The following DHRSX variants were observed in gnomAD, a reference collection of about 807,000 sequenced individuals.
The protein encoded by DHRSX is dehydrogenase/reductase X-linked.
A neutral mutation model predicts 34.0 loss-of-function variants in DHRSX; 31 were observed. The ratio of observed to expected loss-of-function variants is 0.91; its 90% CI spans 0.69 to 1.23. The LOEUF (loss-of-function observed/expected upper bound fraction) is 1.23. DHRSX is among the 50% of genes most tolerant of loss of function. The pLI is 0.00. For synonymous variants in DHRSX, 201 were observed against 183.8 expected, an observed-to-expected ratio of 1.09 and a Z score of -0.76; for missense variants, 414 against 428.1, an observed-to-expected ratio of 0.97 and a Z score of 0.29.
intron 3 of DHRSX, among the ~76,000 whole-genome samples, chrX:2,362,650 G>A (rs960739394): frequency 1.3e-5 from 2 of 152,196 alleles, no homozygotes; most frequent in African/African-American, 4.8e-5. Flanking sequence ...GAACACTGGA[G>A]AAGGATGGAT....
chrX:2,367,470 C>T (rs1212302797), intron 3 of DHRSX, among the ~76,000 whole-genome samples: 2 of 148,652 alleles, frequency 1.3e-5, no homozygotes, highest in African/African-American at 2.5e-5. Context: ...AAAAAAAGAA[C>T]GATGCTACAT....
intron 6 of DHRSX, among the ~76,000 whole-genome samples, chrX:2,226,475 C>A (rs977495585): frequency 2.0e-5 from 3 of 152,136 alleles, no homozygotes; most frequent in Non-Finnish European, 4.4e-5. Flanking sequence ...GCAAAGCAGA[C>A]CTTGGACTGG....
At chrX:2,346,655 TG>T (rs2042717788) in intron 3 of DHRSX, among the ~76,000 whole-genome samples, 2 of 148,984 alleles carry the variant, frequency 1.3e-5, no homozygotes, top group African/African-American at 2.5e-5. Context: ...GTTTTTTTTT[TG>T]TTGTTGTTGT....
chrX:2,237,826 C>T (rs1053080277), intron 6 of DHRSX, among the ~76,000 whole-genome samples: 1 of 152,004 alleles, frequency 6.6e-6, no homozygotes, highest in Non-Finnish European at 1.5e-5. Context: ...TTGTAACACC[C>T]ATTGATCTTG....
At chrX:2,323,151 A>C (rs2042333936) in intron 3 of DHRSX, among the ~76,000 whole-genome samples, 1 of 152,158 alleles carries the variant, frequency 6.6e-6, no homozygotes, top group Non-Finnish European at 1.5e-5. Flanking sequence ...CTTGAAGCTC[A>C]AAGAGGTACA....
At chrX:2,401,899 A>G (rs1324933655) in intron 3 of DHRSX, among the ~76,000 whole-genome samples, 1 of 152,232 alleles carries the variant, frequency 6.6e-6, no homozygotes, top group Non-Finnish European at 1.5e-5. Context: ...TCCTGAAAAC[A>G]ATCGCGCATT....
intron 3 of DHRSX, among the ~76,000 whole-genome samples, chrX:2,355,511 TAAAAAAAAAAAAAAAAAAAAA>T (rs767512287): frequency 2.7e-5 from 2 of 75,310 alleles, no homozygotes; most frequent in South Asian, 7.0e-4. Flanking sequence ...AGACCCCATC[TAAAAAAAAAAAAAAAAAAAAA>T]AAAAAAAAAA....
intron 5 of DHRSX, among the ~76,000 whole-genome samples, chrX:2,264,317 C>T (rs36108745): frequency 0.35 from 50,426 of 143,704 alleles, 8,283 homozygotes; most frequent in Non-Finnish European, 0.48. Flanking sequence ...TCAGGGAGCA[C>T]CGTGCCCAGA....
chrX:2,276,697 C>G (rs890458857), intron 4 of DHRSX, among the ~76,000 whole-genome samples: 9 of 135,976 alleles, frequency 6.6e-5, no homozygotes, highest in African/African-American at 2.0e-4. Context: ...GCGGAGAACT[C>G]CAGAGAAAGG....
intron 5 of DHRSX, among the ~76,000 whole-genome samples, chrX:2,255,890 G>A (rs1255722800): frequency 6.6e-6 from 1 of 151,850 alleles, no homozygotes. Flanking sequence ...CTCCAGCCTC[G>A]ATGCCTGGGT....
At chrX:2,350,607 A>G (rs28972716) in intron 3 of DHRSX, among the ~76,000 whole-genome samples, 36,455 of 151,946 alleles carry the variant, frequency 0.24, 4,782 homozygotes, top group African/African-American at 0.35. Context: ...GCTGTTCCAC[A>G]AGTATAAGGT....
At chrX:2,459,386 A>G (rs2044364400) in intron 1 of DHRSX, among the ~76,000 whole-genome samples, 1 of 151,762 alleles carries the variant, frequency 6.6e-6, no homozygotes, top group Non-Finnish European at 1.5e-5. Flanking sequence ...TTAATATGTT[A>G]ATTAGGTCAA....
At chrX:2,487,001 T>A (rs6567595) in intron 1 of DHRSX, 1 of 152,010 alleles carries the variant, frequency 6.6e-6, no homozygotes, top group Non-Finnish European at 1.5e-5. Flanking sequence ...TAGACACCGT[T>A]CTCCCCAGCC....
At chrX:2,234,721 T>A (rs1227786360) in intron 6 of DHRSX, among the ~76,000 whole-genome samples, 1 of 152,226 alleles carries the variant, frequency 6.6e-6, no homozygotes, top group African/African-American at 2.4e-5. Context: ...TTTTACTTTT[T>A]ATTTTTTGAG....
chrX:2,291,745 G>A (rs1360836921), intron 3 of DHRSX, 142 bp from the exon 4 acceptor site: 9 of 668,642 alleles, frequency 1.3e-5, no homozygotes, highest in Non-Finnish European at 1.9e-5. Flanking sequence ...ATGGAGTCTC[G>A]CTCTGTTGAC....
chrX:2,272,343 T>C (rs2041568977), intron 4 of DHRSX, among the ~76,000 whole-genome samples: 1 of 152,104 alleles, frequency 6.6e-6, no homozygotes, highest in African/African-American at 2.4e-5. Flanking sequence ...GAGCTTATCA[T>C]GAACACCTGG....
At chrX:2,315,182 G>C (rs1260479329) in intron 3 of DHRSX, among the ~76,000 whole-genome samples, 1 of 150,572 alleles carries the variant, frequency 6.6e-6, no homozygotes, top group Non-Finnish European at 1.5e-5. Flanking sequence ...AAAACGTTAG[G>C]TCTTAAGCGT....
intron 5 of DHRSX, among the ~76,000 whole-genome samples, chrX:2,261,209 T>C (rs994179514): frequency 3.3e-5 from 5 of 151,160 alleles, no homozygotes; most frequent in Non-Finnish European, 7.4e-5. Flanking sequence ...CATTTGTCTC[T>C]TTCAAAAAAT....
chrX:2,431,701 A>G (rs183751119), intron 1 of DHRSX, among the ~76,000 whole-genome samples: 4,558 of 152,296 alleles, frequency 0.03, 90 homozygotes, highest in Admixed American at 0.048. Context: ...TGGGAGGTAA[A>G]CATCAAGTAC....
Sources: allele counts gnomAD v4.1 joint callset (sites outside exome capture counted in the v4.1 genomes callset), GRCh38; gene constraint gnomAD v4.1.1; transcripts MANE v1.5; gene names NCBI Gene and HGNC (gene_info 2026-07-23, HGNC 2026-07-21).